AKAP7: variants seen among roughly 807,000 people sequenced by gnomAD.
The protein encoded by AKAP7 is A-kinase anchoring protein 7.
AKAP7 carries 39 observed loss-of-function variants against 39.5 expected under a neutral mutation model. That is an observed-to-expected ratio of 0.99 (90% CI 0.76 to 1.29). The LOEUF (loss-of-function observed/expected upper bound fraction) is 1.29, where lower values mean the gene tolerates loss of function less well. AKAP7 is among the 50% of genes most tolerant of loss of function. The probability of loss-of-function intolerance (pLI) is 0.00; values close to 1 mark genes in which losing one functional copy is unlikely to be tolerated. For synonymous variants in AKAP7, 140 were observed against 139.1 expected, an observed-to-expected ratio of 1.01 and a Z score of -0.05; for missense variants, 414 against 407.7, an observed-to-expected ratio of 1.02 and a Z score of -0.13.
chr6:131,138,438 G>A (rs1335500867), intron 1 of AKAP7, among the ~76,000 whole-genome samples: 2 of 152,156 alleles, frequency 1.3e-5, no homozygotes, highest in African/African-American at 4.8e-5. Context: ...AGGCATTTAA[G>A]TTTTGTTCCA....
intron 7 of AKAP7, among the ~76,000 whole-genome samples, chr6:131,272,610 C>T (rs1242735345): frequency 6.6e-6 from 1 of 152,232 alleles, no homozygotes; most frequent in African/African-American, 2.4e-5. Flanking sequence ...ATCTTTGATT[C>T]ATGGATTATT....
chr6:131,134,697 A>G (rs1189758939), upstream of AKAP7, among the ~76,000 whole-genome samples: 2 of 152,212 alleles, frequency 1.3e-5, no homozygotes, highest in African/African-American at 2.4e-5. Context: ...TAGTTTGCCG[A>G]CTTCTAGTGT....
intron 7 of AKAP7, among the ~76,000 whole-genome samples, chr6:131,270,347 T>C (rs569686998): frequency 9.2e-5 from 14 of 152,348 alleles, no homozygotes; most frequent in African/African-American, 3.1e-4. Flanking sequence ...GAATCTAGTT[T>C]ATTTCACACA....
At chr6:131,136,944 TTATGTATG>T (rs879324235) in intron 1 of AKAP7, 201 of 778,520 alleles carry the variant, frequency 2.6e-4, no homozygotes, top group Non-Finnish European at 3.0e-4. Flanking sequence ...ATGTATGTAC[TTATGTATG>T]TATGTATATA....
chr6:131,198,652 A>T (rs1807199805), intron 5 of AKAP7, among the ~76,000 whole-genome samples: 1 of 152,132 alleles, frequency 6.6e-6, no homozygotes, highest in South Asian at 2.1e-4. Context: ...ATGGAACAGT[A>T]TTCCTGGGCT....
chr6:131,262,024 AG>A (rs1000805984), intron 7 of AKAP7, among the ~76,000 whole-genome samples: 38 of 152,292 alleles, frequency 2.5e-4, no homozygotes, highest in Non-Finnish European at 2.8e-4. Flanking sequence ...ACTGTCTCCA[AG>A]GAGGTGTCCC....
chr6:131,213,328 G>A lies in AKAP7; in HGVS notation c.703-6333G>A, dbSNP rs570374556. ...AATTTTTTATACCAGTGGCTTACTGGCATTAATTACTTAGTGTTAGAAAGT... is the reference window on the plus strand; with the variant it reads ...AATTTTTTATACCAGTGGCTTACTGACATTAATTACTTAGTGTTAGAAAGT... On this transcript the variant is annotated intron_variant, in intron 6 of 7. Transcript: ENST00000431975. 1.5e-3 allele frequency among the ~76,000 whole-genome samples: 225 copies of A among 152,270 alleles called. 2 individuals are homozygous for A. Among genetic ancestry groups the A allele is most frequent in the African/African-American group, 5.2e-3 (215 of 41,548 alleles).
intron 6 of AKAP7, among the ~76,000 whole-genome samples, chr6:131,203,277 A>G (rs1183112702): frequency 2.0e-5 from 3 of 151,954 alleles, no homozygotes; most frequent in Non-Finnish European, 4.4e-5. Flanking sequence ...CCAGCTATCT[A>G]TTTTCTTCTC....
intron 4 of AKAP7, among the ~76,000 whole-genome samples, chr6:131,166,753 G>A (rs954313517): frequency 6.6e-6 from 1 of 152,156 alleles, no homozygotes; most frequent in African/African-American, 2.4e-5. Flanking sequence ...AATTGATGAG[G>A]TTTCTGGGAA....
chr6:131,247,407 C>T (rs1270645670), intron 7 of AKAP7, among the ~76,000 whole-genome samples: 3 of 147,482 alleles, frequency 2.0e-5, no homozygotes, highest in African/African-American at 7.5e-5. Context: ...CTCACTGCAA[C>T]CTCCACCTCC....
chr6:131,166,776 G>A (rs982628686), intron 4 of AKAP7, among the ~76,000 whole-genome samples: 5 of 152,138 alleles, frequency 3.3e-5, no homozygotes, highest in Non-Finnish European at 7.4e-5. Context: ...CATTGTTTAT[G>A]TGAACAATTT....
chr6:131,241,643 G>T (rs1309368481), intron 7 of AKAP7, among the ~76,000 whole-genome samples: 3 of 98,660 alleles, frequency 3.0e-5, no homozygotes, highest in South Asian at 5.8e-4. Flanking sequence ...ATATATGACA[G>T]TTATAGGATT....
chr6:131,278,938 G>C (rs1287128441), intron 7 of AKAP7, among the ~76,000 whole-genome samples: 1 of 152,168 alleles, frequency 6.6e-6, no homozygotes, highest in African/African-American at 2.4e-5. Flanking sequence ...TGGTGTGGAA[G>C]CCTCTGAGGA....
chr6:131,159,886 A>G (rs1161973742), intron 2 of AKAP7, among the ~76,000 whole-genome samples, 173 bp from the exon 3 acceptor site: 3 of 152,242 alleles, frequency 2.0e-5, no homozygotes, highest in East Asian at 1.9e-4. Flanking sequence ...GTCATCTGCA[A>G]TGCCTAAACT....
intron 7 of AKAP7, among the ~76,000 whole-genome samples, chr6:131,258,895 T>TACAA (rs1330768156): frequency 6.6e-6 from 1 of 152,210 alleles, no homozygotes; most frequent in African/African-American, 2.4e-5. Flanking sequence ...GAAAGTGATA[T>TACAA]ACAAACAAGA....
chr6:131,132,078 C>T (rs1800340767), upstream of AKAP7, among the ~76,000 whole-genome samples: 1 of 151,956 alleles, frequency 6.6e-6, no homozygotes. Flanking sequence ...TTTGGGAGGC[C>T]GAGGCGGGCG....
Position 131,241,623 on chromosome 6 carries a change from G to GTATATATACGTATATATATATATA in AKAP7, c.850+21816_850+21817insATATATACGTATATATATATATAT, listed in dbSNP as rs1228757342. On this transcript the variant is annotated intron_variant, in intron 7 of 7. Transcript: ENST00000431975. ...TGTGTGTGTGTGTGTGTGTGTGTGTGTGTGTATATATATATGACAGTTATA... is the reference window on the plus strand; with the variant it reads ...TGTGTGTGTGTGTGTGTGTGTGTGTGTATATATACGTATATATATATATATGTGTATATATATATGACAGTTATA... Among the ~76,000 whole-genome samples the GTATATATACGTATATATATATATA allele has an allele frequency of 2.4e-3, 167 of 68,558 alleles. 2 individuals carry two copies. Among genetic ancestry groups the GTATATATACGTATATATATATATA allele is most frequent in the East Asian group, 0.011 (53 of 4,672 alleles). 45.0% of individuals were successfully genotyped at this position (68,558 alleles called of 152,430 possible). A position where few individuals can be genotyped will look rare whatever the true frequency, so the allele number is the denominator to read the frequency against.
chr6:131,209,679 T>C (rs1002608840), intron 6 of AKAP7, among the ~76,000 whole-genome samples: 2 of 152,216 alleles, frequency 1.3e-5, no homozygotes, highest in Non-Finnish European at 2.9e-5. Context: ...AATATAAAAA[T>C]TCTATCTCAA....
At chr6:131,231,323 A>T (rs937107421) in intron 7 of AKAP7, among the ~76,000 whole-genome samples, 5 of 152,120 alleles carry the variant, frequency 3.3e-5, no homozygotes, top group African/African-American at 1.2e-4. Context: ...GTAATACAGG[A>T]ATGTCTCTTG....
Sources: gnomAD v4.1 joint callset for allele counts (sites outside exome capture counted in the v4.1 genomes callset) on GRCh38, gnomAD v4.1.1 for gene constraint, MANE v1.5 for transcripts, NCBI Gene and HGNC (gene_info 2026-07-23, HGNC 2026-07-21) for gene names.